Variants in FHIT observed in about 807,000 individuals in gnomAD.
FHIT encodes the protein bis(5'-adenosyl)-triphosphatase.
A neutral mutation model predicts 17.9 loss-of-function variants in FHIT; 19 were observed. The ratio of observed to expected loss-of-function variants is 1.06; its 90% CI spans 0.74 to 1.56. The LOEUF (loss-of-function observed/expected upper bound fraction) is 1.56. Among genes scored for constraint, FHIT ranks in the 40% most tolerant of loss-of-function variants. The pLI is 0.00. For missense variants in FHIT, 248 were observed against 189.2 expected (o/e 1.31, Z -1.82); for synonymous variants, 81 against 69.7 (o/e 1.16, Z -0.81).
At chr3:59,878,322 G>A (rs1703254964) in intron 8 of FHIT, among the ~76,000 whole-genome samples, 1 of 152,140 alleles carries the variant, frequency 6.6e-6, no homozygotes, top group South Asian at 2.1e-4. Flanking sequence ...CAGTTCAGAA[G>A]AGAAATTCAT....
intron 4 of FHIT, among the ~76,000 whole-genome samples, chr3:60,591,971 G>A (rs1439929772): frequency 6.6e-6 from 1 of 151,864 alleles, no homozygotes; most frequent in Non-Finnish European, 1.5e-5. Context: ...CTATGTGCCA[G>A]TCAGAACAGC....
intron 8 of FHIT, among the ~76,000 whole-genome samples, chr3:59,798,852 A>ACT (rs1428574444): frequency 6.6e-6 from 1 of 152,236 alleles, no homozygotes; most frequent in African/African-American, 2.4e-5. Flanking sequence ...TATCTAACAA[A>ACT]CACTGTGGCT....
intron 8 of FHIT, among the ~76,000 whole-genome samples, chr3:59,869,808 C>G (rs1702838326): frequency 6.6e-6 from 1 of 151,844 alleles, no homozygotes; most frequent in African/African-American, 2.4e-5. Context: ...TTTTAAAATA[C>G]CATTTAATTT....
chr3:60,810,980 TC>T (rs1409935061), intron 4 of FHIT, among the ~76,000 whole-genome samples: 1 of 152,200 alleles, frequency 6.6e-6, no homozygotes, highest in Non-Finnish European at 1.5e-5. Context: ...GGGTTCGAAT[TC>T]TGACTAAAAT....
At chr3:60,052,485 C>A (rs1191681446) in intron 5 of FHIT, among the ~76,000 whole-genome samples, 3 of 152,072 alleles carry the variant, frequency 2.0e-5, no homozygotes, top group African/African-American at 4.8e-5. Context: ...TTAAACTTGT[C>A]TACAGTTTTT....
chr3:60,964,141 A>ATAGT (rs1553782239), intron 3 of FHIT, among the ~76,000 whole-genome samples: 1 of 152,122 alleles, frequency 6.6e-6, no homozygotes, highest in African/African-American at 2.4e-5. Context: ...TATATTTAGG[A>ATAGT]TAGTTAGCTC....
intron 4 of FHIT, among the ~76,000 whole-genome samples, chr3:60,675,386 G>A (rs1287342639): frequency 2.6e-5 from 4 of 152,164 alleles, no homozygotes; most frequent in African/African-American, 9.7e-5. Flanking sequence ...CTCTTACCAT[G>A]TTCTCAGATA....
intron 6 of FHIT, 127 bp downstream of exon 6, chr3:60,013,876 CTCTT>C: frequency 1.1e-6 from 1 of 925,830 alleles, no homozygotes; most frequent in Non-Finnish European, 1.7e-6. Context: ...CATTAGAAAT[CTCTT>C]TTTTTGGCTG....
At chr3:60,293,903 A>C (rs1708093495) in intron 5 of FHIT, among the ~76,000 whole-genome samples, 1 of 152,196 alleles carries the variant, frequency 6.6e-6, no homozygotes, top group Non-Finnish European at 1.5e-5. Context: ...ATCTTAAAAA[A>C]TATATTAGTT....
At chr3:60,841,274 G>A (rs1702716971) in intron 3 of FHIT, among the ~76,000 whole-genome samples, 1 of 152,202 alleles carries the variant, frequency 6.6e-6, no homozygotes, top group Non-Finnish European at 1.5e-5. Flanking sequence ...AAAAGTAACG[G>A]CATGCACTGT....
intron 5 of FHIT, among the ~76,000 whole-genome samples, chr3:60,317,345 G>T (rs1709209053): frequency 6.6e-6 from 1 of 151,432 alleles, no homozygotes; most frequent in African/African-American, 2.4e-5. Flanking sequence ...CTTTGTAATT[G>T]ATAAATGAAA....
chr3:60,475,263 C>G (rs529682259), intron 5 of FHIT, among the ~76,000 whole-genome samples: 3 of 152,110 alleles, frequency 2.0e-5, no homozygotes, highest in African/African-American at 7.2e-5. Context: ...GGAGACAAAG[C>G]AAAGGTTAGG....
At chr3:60,574,146 C>T (rs545471772) in intron 4 of FHIT, among the ~76,000 whole-genome samples, 10 of 152,116 alleles carry the variant, frequency 6.6e-5, no homozygotes, top group African/African-American at 2.4e-4. Flanking sequence ...TTCTACTTTC[C>T]GATTTAAACA....
intron 5 of FHIT, among the ~76,000 whole-genome samples, chr3:60,141,859 A>T (rs530905158): frequency 6.6e-6 from 1 of 152,334 alleles, no homozygotes; most frequent in East Asian, 1.9e-4. Context: ...CTGTACTGGT[A>T]ACAGTGATTC....
intron 3 of FHIT, among the ~76,000 whole-genome samples, chr3:61,036,906 T>TTTTTTTG (rs2033273347): frequency 4.1e-5 from 2 of 48,352 alleles, no homozygotes; most frequent in African/African-American, 7.1e-5. Context: ...GCTTTGTTTT[T>TTTTTTTG]TTTTTTTGTT....
intron 4 of FHIT, among the ~76,000 whole-genome samples, chr3:60,583,319 C>G (rs2037807128): frequency 6.6e-6 from 1 of 151,972 alleles, no homozygotes; most frequent in Non-Finnish European, 1.5e-5. Flanking sequence ...CTTGGACTAG[C>G]TGGTCATATT....
At chr3:60,851,224 G>C (rs1703141085) in intron 3 of FHIT, among the ~76,000 whole-genome samples, 4 of 152,086 alleles carry the variant, frequency 2.6e-5, no homozygotes, top group Admixed American at 2.6e-4. Flanking sequence ...AAGTCTCTTG[G>C]AAATCTCTTT....
At chr3:60,592,880 T>C (rs1553664892) in intron 4 of FHIT, among the ~76,000 whole-genome samples, 2 of 152,102 alleles carry the variant, frequency 1.3e-5, no homozygotes, top group Non-Finnish European at 2.9e-5. Context: ...TTCTAGCCCC[T>C]CATCTAGCAA....
At chr3:60,263,328 A>T (rs753148326) in intron 5 of FHIT, among the ~76,000 whole-genome samples, 6 of 152,036 alleles carry the variant, frequency 3.9e-5, no homozygotes, top group African/African-American at 7.2e-5. Context: ...CATGTGACTC[A>T]GTAATTCCAC....
Sources: allele counts gnomAD v4.1 joint callset (sites outside exome capture counted in the v4.1 genomes callset), GRCh38; gene constraint gnomAD v4.1.1; transcripts MANE v1.5; gene names NCBI Gene and HGNC (gene_info 2026-07-23, HGNC 2026-07-21).